COPS3: variants seen among roughly 807,000 people sequenced by gnomAD.
COPS3 encodes COP9 signalosome subunit 3.
COPS3 carries 10 observed loss-of-function variants against 58.2 expected under a neutral mutation model. The observed-to-expected ratio is 0.17, with a 90% CI of 0.11 to 0.29. The LOEUF (loss-of-function observed/expected upper bound fraction) is 0.29. COPS3 is among the 10% of genes least tolerant of loss of function. The probability of loss-of-function intolerance (pLI) is 1.00; values close to 1 mark genes in which losing one functional copy is unlikely to be tolerated. For missense variants in COPS3, 333 were observed against 510.1 expected (o/e 0.65, Z 3.34); for synonymous variants, 187 against 181.7 (o/e 1.03, Z -0.24).
At chr17:17,275,740 G>A (rs188948814) in intron 2 of COPS3, among the ~76,000 whole-genome samples, 280 of 152,244 alleles carry the variant, frequency 1.8e-3, no homozygotes, top group African/African-American at 6.3e-3. Flanking sequence ...TCAGGAGATC[G>A]AGATCATCCT....
intron 9 of COPS3, among the ~76,000 whole-genome samples, chr17:17,250,095 C>T (rs2145185727): frequency 6.6e-6 from 1 of 152,246 alleles, no homozygotes; most frequent in East Asian, 1.9e-4. Flanking sequence ...CTGGAAACCA[C>T]CAATCTGTTC....
chr17:17,257,829 A>G lies in COPS3; in HGVS notation c.936+2472T>C, dbSNP rs187430375. On this transcript the variant is annotated intron_variant, in intron 8 of 11. Coordinates refer to ENST00000268717, the MANE Select transcript of COPS3 (RefSeq NM_003653.4). ...AAAAAAAAGAAAAAGAAAAAGAAAAAGAAAAACATCTACTAAAATGTTAAC... is the reference window on the plus strand; with the variant it reads ...AAAAAAAAGAAAAAGAAAAAGAAAAGGAAAAACATCTACTAAAATGTTAAC... Among the ~76,000 whole-genome samples the G allele has an allele frequency of 7.9e-4, 120 of 152,070 alleles. No individual in the cohort carries two copies. The East Asian group carries it at 9.3e-3, about 12-fold the overall frequency.
intron 10 of COPS3, among the ~76,000 whole-genome samples, chr17:17,248,374 C>T (rs750590351): frequency 4.6e-5 from 7 of 152,154 alleles, no homozygotes; most frequent in Non-Finnish European, 8.8e-5. Context: ...AGTGCAGTGG[C>T]GCAATCTCAG....
chr17:17,276,556 T>C (rs2048465228), intron 1 of COPS3, among the ~76,000 whole-genome samples: 1 of 151,972 alleles, frequency 6.6e-6, no homozygotes, highest in South Asian at 2.1e-4. Flanking sequence ...CTCATCATTT[T>C]TTGTCTGGAC....
At position 17,247,618 on chromosome 17, in the gene COPS3, T is replaced by G. The variant is rs2047752167; in HGVS notation, c.1138-58A>C. The G allele has an allele frequency of 2.0e-6, 3 of 1,533,714 alleles. No homozygotes were observed. The African/African-American group carries it at 4.1e-5, about 21-fold the overall frequency. ...GGCGGGTTTAGGTCAGCTGCATCCT[T>G]TCTAACTTACACTGTTCACAAGGGT... On this transcript the variant is annotated intron_variant, in intron 10 of 11. Coordinates refer to ENST00000268717, the MANE Select transcript of COPS3 (RefSeq NM_003653.4).
chr17:17,253,831 A>C (rs897116513), intron 9 of COPS3, among the ~76,000 whole-genome samples: 2 of 152,056 alleles, frequency 1.3e-5, no homozygotes, highest in Non-Finnish European at 2.9e-5. Context: ...AGGTTTACAA[A>C]AATTCTGATA....
At chr17:17,254,059 C>A (rs990633643) in intron 9 of COPS3, among the ~76,000 whole-genome samples, 1 of 151,886 alleles carries the variant, frequency 6.6e-6, no homozygotes. Flanking sequence ...GTAATCCCAA[C>A]AATTTGGGAG....
chr17:17,281,090 C>G, intron 1 of COPS3, 42 bp downstream of exon 1: 5 of 1,591,742 alleles, frequency 3.1e-6, no homozygotes, highest in Non-Finnish European at 4.3e-6. Flanking sequence ...AGGCCAGTTC[C>G]CGGTACCCGC....
chr17:17,280,837 C>T, intron 1 of COPS3: 1 of 1,217,354 alleles, frequency 8.2e-7, no homozygotes, highest in Non-Finnish European at 1.1e-6. Context: ...GCGGAAGTCA[C>T]GCCCCCAAAC....
chr17:17,253,819 TG>T (rs2047901718), intron 9 of COPS3, among the ~76,000 whole-genome samples: 2 of 152,224 alleles, frequency 1.3e-5, no homozygotes, highest in East Asian at 1.9e-4. Flanking sequence ...ATGAGGGTTA[TG>T]AGGTTTACAA....
intron 7 of COPS3, 189 bp from the exon 8 acceptor site, chr17:17,260,663 C>A: frequency 2.1e-6 from 1 of 465,846 alleles, no homozygotes; most frequent in Non-Finnish European, 3.9e-6. Flanking sequence ...ATTAACTGAG[C>A]GTGATAGCAC....
At position 17,267,844 on chromosome 17, in the gene COPS3, C is replaced by T. The variant is rs372219136; in HGVS notation, c.441+41G>A. 1.9e-5 allele frequency: 31 copies of T among 1,598,250 alleles called. No individual in the cohort carries two copies. The African/African-American group carries it at 4.2e-4, about 21-fold the overall frequency. ...GTTGAGCAAGCCCATAAACAACCTA[C>T]ACCTCTGACTTGGTGTGAATCACAC... On this transcript the variant is annotated intron_variant, in intron 5 of 11. Coordinates refer to ENST00000268717, the MANE Select transcript of COPS3 (RefSeq NM_003653.4).
intron 4 of COPS3, 87 bp from the exon 5 acceptor site, chr17:17,268,064 C>G: frequency 6.7e-7 from 1 of 1,495,206 alleles, no homozygotes; most frequent in Non-Finnish European, 8.9e-7. Context: ...TAAAAAATAA[C>G]ACTAATTGAT....
intron 11 of COPS3, 149 bp from the exon 12 acceptor site, chr17:17,247,300 C>T: frequency 1.0e-6 from 1 of 953,842 alleles, no homozygotes; most frequent in Admixed American, 1.8e-5. Context: ...CCCTAAGCAT[C>T]CCTAAGTGTA....
At chr17:17,253,797 CA>C (rs1399449100) in intron 9 of COPS3, among the ~76,000 whole-genome samples, 1 of 151,960 alleles carries the variant, frequency 6.6e-6, no homozygotes, top group African/African-American at 2.4e-5. Context: ...CTTTGTATAC[CA>C]AAAATATTTC....
chr17:17,249,910 G>A (rs1449832454), intron 9 of COPS3, among the ~76,000 whole-genome samples: 1 of 152,188 alleles, frequency 6.6e-6, no homozygotes, highest in Non-Finnish European at 1.5e-5. Context: ...TTACAGGCAT[G>A]GGCCACCACA....
At chr17:17,247,459 T>C (rs370391660) in intron 11 of COPS3, 21 bp downstream of exon 11, 3 of 1,611,388 alleles carry the variant, frequency 1.9e-6, no homozygotes, top group African/African-American at 2.7e-5. Context: ...CTACTTCTTG[T>C]AATAAGGGAA....
At chr17:17,251,461 AT>A (rs202060799) in intron 9 of COPS3, among the ~76,000 whole-genome samples, 3,897 of 148,760 alleles carry the variant, frequency 0.026, 183 homozygotes, top group African/African-American at 0.092. Flanking sequence ...TGCCTAGCTA[AT>A]TTTTTTTGTA....
chr17:17,249,070 A>G, intron 9 of COPS3, 31 bp from the exon 10 acceptor site: 1 of 1,324,062 alleles, frequency 7.6e-7, no homozygotes, highest in South Asian at 1.2e-5. Context: ...AAATCAGGAA[A>G]GCAGTTTAGA....
Sources: gnomAD v4.1 joint callset for allele counts (sites outside exome capture counted in the v4.1 genomes callset) on GRCh38, gnomAD v4.1.1 for gene constraint, MANE v1.5 for transcripts, NCBI Gene and HGNC (gene_info 2026-07-23, HGNC 2026-07-21) for gene names.